Variants in TSHR observed in about 807,000 individuals in gnomAD.
TSHR encodes the protein thyroid stimulating hormone receptor.
TSHR carries 51 observed loss-of-function variants against 64.1 expected under a neutral mutation model. The observed-to-expected ratio is 0.80, with a 90% CI of 0.64 to 1.01. The LOEUF is 1.01. Among genes scored for constraint, TSHR ranks in the 50% least tolerant of loss-of-function variants. The pLI, the probability that TSHR is intolerant of heterozygous loss-of-function variation, is 0.00. For missense variants in TSHR, 877 were observed against 942.8 expected, an observed-to-expected ratio of 0.93 and a Z score of 0.91; for synonymous variants, 361 against 361.9, an observed-to-expected ratio of 1.00 and a Z score of 0.03.
chr14:80,999,920 T>A (rs1365860149), intron 1 of TSHR, among the ~76,000 whole-genome samples: 2 of 147,236 alleles, frequency 1.4e-5, no homozygotes, highest in Non-Finnish European at 3.0e-5. Flanking sequence ...CTACCAAATT[T>A]TTTTTCTTTT....
At position 81,097,089 on chromosome 14, in the gene TSHR, A is replaced by T. The variant is rs957671260; in HGVS notation, c.614+382A>T. Among the ~76,000 whole-genome samples, 25 of 152,094 alleles carry T rather than the reference A, an allele frequency of 1.6e-4. 1 individual carries two copies. Among genetic ancestry groups the T allele is most frequent in the African/African-American group, 5.6e-4 (23 of 41,394 alleles). On this transcript the variant is annotated intron_variant, in intron 7 of 9. Coordinates refer to ENST00000298171, the MANE Select transcript of TSHR (RefSeq NM_000369.5). ...AAAGATGTCAGTTTATATTTGATTCACTCAGAAATAGCTAAAAAATCATAT... is the reference window on the plus strand; with the variant it reads ...AAAGATGTCAGTTTATATTTGATTCTCTCAGAAATAGCTAAAAAATCATAT...
At chr14:81,061,571 C>A (rs1886245052) in intron 1 of TSHR, among the ~76,000 whole-genome samples, 1 of 152,008 alleles carries the variant, frequency 6.6e-6, no homozygotes. Context: ...CATGTTCTCA[C>A]TTATAAGTGA....
chr14:81,004,320 C>T (rs1400044893), intron 1 of TSHR, among the ~76,000 whole-genome samples: 1 of 152,162 alleles, frequency 6.6e-6, no homozygotes, highest in Non-Finnish European at 1.5e-5. Context: ...TCTGATATCT[C>T]CTATATGTTC....
rs375590990 is a variant in TSHR, at chr14:81,063,086, AG to A, written c.242+868del. ...CAGTTCATAGGACAGTCCCCACAAC[AG>A]AATTATCTAGTCCAAAATGTCAGCA... On this transcript the variant is annotated intron_variant, in intron 2 of 9. Transcript: ENST00000298171. 9.9e-5 allele frequency among the ~76,000 whole-genome samples: 15 copies of A among 152,284 alleles called. No individual in the cohort carries two copies. The East Asian group carries it at 2.9e-3, about 29-fold the overall frequency.
chr14:81,073,021 AATATATATATATAT>A (rs60115249), intron 3 of TSHR, among the ~76,000 whole-genome samples: 2 of 48,566 alleles, frequency 4.1e-5, no homozygotes, highest in African/African-American at 1.4e-4. Context: ...ATAAAAAATA[AATATATATATATAT>A]ATATATATAT....
chr14:81,081,435 C>G (rs778930073), intron 3 of TSHR, among the ~76,000 whole-genome samples: 3 of 152,004 alleles, frequency 2.0e-5, no homozygotes, highest in Non-Finnish European at 4.4e-5. Context: ...GCAGAGCTTC[C>G]GCCCCCTCCC....
At chr14:81,108,484 C>CTT (rs748712578) in intron 8 of TSHR, 32 bp downstream of exon 8, 1 of 829,436 alleles carries the variant, frequency 1.2e-6, no homozygotes. Flanking sequence ...ATATTTTAGT[C>CTT]TTTTTTTTTC....
chr14:81,024,264 G>T (rs111959907), intron 1 of TSHR, among the ~76,000 whole-genome samples: 8,182 of 151,270 alleles, frequency 0.054, 702 homozygotes, highest in African/African-American at 0.19. Context: ...TTGTTTGTTT[G>T]TTTTAGATGG....
At position 81,064,875 on chromosome 14, in the gene TSHR, G is replaced by A. The variant is rs181963147; in HGVS notation, c.242+2656G>A. The stretch of plus-strand genomic sequence containing the variant: ...TTTAAGAGCATGTGGTCCCTGAAGA[G>A]GCAGGAGGGGATGAGATCCAAATAG... On this transcript the variant is annotated intron_variant, in intron 2 of 9. Coordinates refer to ENST00000298171, the MANE Select transcript of TSHR (RefSeq NM_000369.5). Among the ~76,000 whole-genome samples the A allele has an allele frequency of 3.2e-3, 481 of 152,066 alleles. 4 individuals are homozygous for A. The highest frequency in any genetic ancestry group is 0.011 in the African/African-American group (459 of 41,464).
chr14:81,102,139 T>G (rs1237780168), intron 7 of TSHR, among the ~76,000 whole-genome samples: 3 of 144,834 alleles, frequency 2.1e-5, no homozygotes, highest in African/African-American at 5.2e-5. Context: ...ACCACTGCAC[T>G]CCAGCCTGGG....
intron 4 of TSHR, 117 bp downstream of exon 4, chr14:81,088,145 T>G: frequency 1.2e-6 from 1 of 839,714 alleles, no homozygotes; most frequent in Non-Finnish European, 2.0e-6. Context: ...TAATGGTGTA[T>G]AGCCTGGGTC....
Position 80,955,828 on chromosome 14 carries a change from T to C in TSHR, c.148T>C (p.Leu50=). 1 of 1,614,202 alleles carries C rather than the reference T, an allele frequency of 6.2e-7. No individual in the cohort carries two copies. Among genetic ancestry groups the C allele is most frequent in the Non-Finnish European group, 8.5e-7 (1 of 1,180,038 alleles). Residue 50 remains leucine, a synonymous_variant, in exon 1 of 10, where the codon TTA becomes CTA. Coordinates refer to ENST00000298171, the MANE Select transcript of TSHR (RefSeq NM_000369.5). The part of the protein sequence containing the change: ...TCKDIQRIPS[L]PPSTQTLKLI... The stretch of plus-strand genomic sequence containing the variant: ...CAAGGATATTCAACGCATCCCCAGC[T>C]TACCGCCCAGTACGCAGACTCTGTG...
intron 1 of TSHR, among the ~76,000 whole-genome samples, chr14:81,024,131 T>C (rs1379237526): frequency 6.6e-6 from 1 of 152,220 alleles, no homozygotes; most frequent in Non-Finnish European, 1.5e-5. Flanking sequence ...TCACACCATC[T>C]TTTGCTGGCA....
At chr14:81,055,646 C>G (rs566653536) in intron 1 of TSHR, among the ~76,000 whole-genome samples, 2 of 152,320 alleles carry the variant, frequency 1.3e-5, no homozygotes, top group African/African-American at 4.8e-5. Context: ...CAAAGGAGAT[C>G]GTTTTGGAGC....
At chr14:81,057,131 C>G (rs761057422) in intron 1 of TSHR, among the ~76,000 whole-genome samples, 7 of 152,174 alleles carry the variant, frequency 4.6e-5, no homozygotes, top group Non-Finnish European at 1.0e-4. Flanking sequence ...TTATTCTTGG[C>G]TGGGTGCAGT....
chr14:81,065,007 T>C (rs1334705535), intron 2 of TSHR, among the ~76,000 whole-genome samples: 1 of 152,124 alleles, frequency 6.6e-6, no homozygotes, highest in African/African-American at 2.4e-5. Context: ...TCTTGTCACA[T>C]GGCCATAAAA....
chr14:81,098,172 T>C (rs1238285577), intron 7 of TSHR, among the ~76,000 whole-genome samples: 4 of 152,124 alleles, frequency 2.6e-5, no homozygotes, highest in African/African-American at 9.7e-5. Flanking sequence ...TACATTCTGG[T>C]GGGGGTCAGC....
intron 1 of TSHR, chr14:81,053,188 CA>C (rs1191552784): frequency 6.6e-6 from 1 of 152,046 alleles, no homozygotes; most frequent in East Asian, 1.9e-4. Context: ...AGTCTGAAAG[CA>C]AAGAAAATTG....
intron 9 of TSHR, among the ~76,000 whole-genome samples, chr14:81,142,606 C>CTTTTTT (rs10711545): frequency 2.0e-3 from 192 of 97,216 alleles, no homozygotes; most frequent in South Asian, 6.9e-3. Context: ...AACAAGCATT[C>CTTTTTT]TTTTTTTTTT....
Sources: gnomAD v4.1 joint callset for allele counts (sites outside exome capture counted in the v4.1 genomes callset) on GRCh38, gnomAD v4.1.1 for gene constraint, MANE v1.5 for transcripts, NCBI Gene and HGNC (gene_info 2026-07-23, HGNC 2026-07-21) for gene names.